The following ACSM5 variants were observed in gnomAD, a reference collection of about 807,000 sequenced individuals.
The protein encoded by ACSM5 is acyl-coenzyme A synthetase ACSM5, mitochondrial.
In ACSM5, 56 loss-of-function variants were observed where a neutral mutation model predicts 71.6. That is an observed-to-expected ratio of 0.78 (90% CI 0.63 to 0.98). The LOEUF (loss-of-function observed/expected upper bound fraction) is 0.98. Among genes scored for constraint, ACSM5 ranks in the 50% least tolerant of loss-of-function variants. The pLI is 0.00. For synonymous variants in ACSM5, 285 were observed against 281.5 expected (o/e 1.01, Z -0.12); for missense variants, 723 against 726.0 (o/e 1.00, Z 0.05).
chr16:20,414,381 T>C (rs2141639855), intron 2 of ACSM5, among the ~76,000 whole-genome samples: 1 of 152,172 alleles, frequency 6.6e-6, no homozygotes, highest in South Asian at 2.1e-4. Context: ...GATGTGACAA[T>C]GAAAACAGAG....
At chr16:20,436,819 G>C (rs1967208992) in intron 10 of ACSM5, among the ~76,000 whole-genome samples, 1 of 152,164 alleles carries the variant, frequency 6.6e-6, no homozygotes, top group South Asian at 2.1e-4. Flanking sequence ...GGTGGTGGGT[G>C]ACTGCCCTTA....
Position 20,424,067 on chromosome 16 carries a change from A to T in ACSM5, c.919A>T (p.Asn307Tyr). The change falls in exon 6 of 14, where the codon AAT becomes TAT. Residue 307 changes from asparagine (N) to tyrosine (Y), a missense_variant and splice_region_variant. Physicochemically the swap from Asn to Tyr is moderately radical, Grantham distance 143. Coordinates refer to ENST00000331849, the MANE Select transcript of ACSM5 (RefSeq NM_017888.3). ...CCGAGTTGATGCCAAAGTTATCCTGAATGTAAGAGGAAAAACCAACAATAC... is the reference window on the plus strand; with the variant it reads ...CCGAGTTGATGCCAAAGTTATCCTGTATGTAAGAGGAAAAACCAACAATAC... ...LPRVDAKVIL[N>Y]TLSKFPITTL... 1 of 1,614,002 alleles carries T rather than the reference A, an allele frequency of 6.2e-7. No homozygotes were observed. Among genetic ancestry groups the T allele is most frequent in the Non-Finnish European group, 8.5e-7 (1 of 1,179,976 alleles).
At chr16:20,434,560 G>A (rs933323347) in intron 10 of ACSM5, among the ~76,000 whole-genome samples, 1 of 152,154 alleles carries the variant, frequency 6.6e-6, no homozygotes, top group Non-Finnish European at 1.5e-5. Context: ...TGGGTGTGGT[G>A]GCGGGCACCT....
chr16:20,435,945 TTCC>T, intron 10 of ACSM5, among the ~76,000 whole-genome samples: 1 of 151,036 alleles, frequency 6.6e-6, no homozygotes, highest in African/African-American at 2.4e-5. Context: ...CTTTCCTTCC[TTCC>T]TTCCTTCTTT....
At chr16:20,427,958 T>C in intron 7 of ACSM5, 91 bp downstream of exon 7, 1 of 910,288 alleles carries the variant, frequency 1.1e-6, no homozygotes, top group South Asian at 1.4e-5. Flanking sequence ...TCATTCCAAC[T>C]CTCTTTCTTT....
intron 3 of ACSM5, among the ~76,000 whole-genome samples, chr16:20,418,635 C>T (rs376724394): frequency 6.6e-6 from 1 of 152,084 alleles, no homozygotes; most frequent in Non-Finnish European, 1.5e-5. Flanking sequence ...TATGAAAAAT[C>T]CCCCTGTCTT....
intron 10 of ACSM5, among the ~76,000 whole-genome samples, chr16:20,431,577 A>G (rs981621422): frequency 5.3e-5 from 8 of 152,178 alleles, no homozygotes; most frequent in African/African-American, 1.9e-4. Flanking sequence ...TGTGTCTGAA[A>G]GCGTAAACAT....
At chr16:20,433,126 G>T (rs1439474736) in intron 10 of ACSM5, among the ~76,000 whole-genome samples, 1 of 152,110 alleles carries the variant, frequency 6.6e-6, no homozygotes, top group Non-Finnish European at 1.5e-5. Flanking sequence ...CTCCCAAAGT[G>T]CTGGGATTAC....
intron 4 of ACSM5, chr16:20,419,699 A>C (rs1966869857): frequency 4.0e-6 from 2 of 504,686 alleles, no homozygotes; most frequent in Non-Finnish European, 7.2e-6. Context: ...GCTACCATTC[A>C]GAGTACATGA....
intron 7 of ACSM5, among the ~76,000 whole-genome samples, chr16:20,428,467 A>G (rs1967031885): frequency 6.6e-6 from 1 of 152,230 alleles, no homozygotes; most frequent in African/African-American, 2.4e-5. Flanking sequence ...AACATCTTCT[A>G]GCAGAACAGG....
intron 10 of ACSM5, among the ~76,000 whole-genome samples, chr16:20,433,840 A>ATTTTT (rs61417020): frequency 0.073 from 10,047 of 136,876 alleles, 413 homozygotes; most frequent in South Asian, 0.13. Flanking sequence ...CACCTGGCTA[A>ATTTTT]TTTTTTTTTT....
At position 20,421,315 on chromosome 16, in the gene ACSM5, CTACTTTA is replaced by C; in HGVS notation, c.682_688del (p.Tyr228ProfsTer32). On this transcript the variant is annotated frameshift_variant, in exon 5 of 14. Transcript: ENST00000331849. LOFTEE classifies it high-confidence loss of function. ...CAAAGAGTCGAGACCCGCTGGCCAT[CTACTTTA>C]CCAGCGGAACCACCGGGGCCCCCAA... 6.2e-7 allele frequency: 1 copy of C among 1,610,216 alleles called. No homozygotes were observed. Among genetic ancestry groups the C allele is most frequent in the Non-Finnish European group, 8.5e-7 (1 of 1,177,998 alleles).
rs138362252 is a variant in ACSM5 at position 20,439,863 on chromosome 16, C to T, written c.1600C>T (p.Arg534Trp). ...CTCTCATGACCCAGAGGCACTAACG[C>T]GGGAACTCCAGGAGCATGTGAAAAG... is the stretch of plus-strand genomic sequence containing the variant. ...YSSHDPEALTRELQEHVKRVT... is the reference protein window; with the variant it reads ...YSSHDPEALTWELQEHVKRVT... The change falls in exon 13 of 14, where the codon CGG becomes TGG. Residue 534 changes from arginine to tryptophan, a missense_variant. Arg to Trp is a moderately radical substitution (Grantham distance 101, BLOSUM62 -3). Coordinates refer to ENST00000331849, the MANE Select transcript of ACSM5 (RefSeq NM_017888.3). The T allele has an allele frequency of 4.3e-5, 70 of 1,612,270 alleles. No individual in the cohort carries two copies. The African/African-American group carries it at 4.7e-4, about 11-fold the overall frequency.
At chr16:20,423,047 T>C (rs961311550) in intron 5 of ACSM5, among the ~76,000 whole-genome samples, 2 of 152,306 alleles carry the variant, frequency 1.3e-5, no homozygotes, top group Admixed American at 6.5e-5. Flanking sequence ...GATACACATG[T>C]CTGAAGTTAA....
At chr16:20,432,128 T>A (rs1254061627) in intron 10 of ACSM5, among the ~76,000 whole-genome samples, 1 of 152,082 alleles carries the variant, frequency 6.6e-6, no homozygotes, top group Non-Finnish European at 1.5e-5. Context: ...TCTTGGGTGG[T>A]GTTTATGTCG....
At chr16:20,424,686 A>G (rs1238480939) in intron 6 of ACSM5, among the ~76,000 whole-genome samples, 1 of 152,146 alleles carries the variant, frequency 6.6e-6, no homozygotes, top group Non-Finnish European at 1.5e-5. Flanking sequence ...CTGATCCTAC[A>G]CCTTTGATTC....
chr16:20,429,528 AGCCAGTGGGTG>A lies in ACSM5; in HGVS notation c.1002-148_1002-138del, dbSNP rs2141655395. ...CTGTCCATGAGGAGCATGGTTGCAA[AGCCAGTGGGTG>A]GACTCACTTAGAGAAGATTAAAAAG... On this transcript the variant is annotated intron_variant, in intron 7 of 13. Transcript: ENST00000331849. The A allele has an allele frequency of 3.2e-6, 3 of 932,898 alleles. No individual in the cohort carries two copies. The South Asian group carries it at 4.2e-5, about 13-fold the overall frequency. The allele number at this position is 932,898 out of a possible 1,614,324, so 57.8% of individuals were successfully genotyped here.
rs143900969 is a variant in ACSM5, at chr16:20,439,910, C to T, written c.1647C>T (p.Tyr549=). ...HVKRVTAPYK[Y]PRKVAFVSEL... is the part of the protein sequence containing the mutation. ...AAAGGGTGACTGCTCCATACAAATA[C>T]CCCAGGAAGGTAAATATCAGGGTTT... Residue 549 remains tyrosine, a synonymous_variant, in exon 13 of 14, where the codon TAC becomes TAT. Coordinates refer to ENST00000331849, the MANE Select transcript of ACSM5 (RefSeq NM_017888.3). The T allele has an allele frequency of 7.4e-6, 12 of 1,612,180 alleles. No homozygotes were observed. The African/African-American group carries it at 1.6e-4, about 22-fold the overall frequency.
Position 20,437,277 on chromosome 16 carries a change from C to T in ACSM5, c.1446C>T (p.Ile482=), listed in dbSNP as rs9652590. 346 of 1,614,162 alleles carry T rather than the reference C, an allele frequency of 2.1e-4. No individual in the cohort carries two copies. The African/African-American group carries it at 3.9e-3, about 18-fold the overall frequency. Reference sequence around the variant, plus strand: ...TGTTTTTCCCTTCCAGCTACCGGATCGGGCCTGTTGAAGTGGAAAGTGCCC... The same window carrying T: ...TGTTTTTCCCTTCCAGCTACCGGATTGGGCCTGTTGAAGTGGAAAGTGCCC... ...DDVINSSSYR[I]GPVEVESALA... is the part of the protein sequence containing the mutation. Residue 482 remains isoleucine (I), a synonymous_variant, in exon 12 of 14, where the codon ATC becomes ATT. Transcript: ENST00000331849.
Sources: gnomAD v4.1 joint callset for allele counts (sites outside exome capture counted in the v4.1 genomes callset) on GRCh38, gnomAD v4.1.1 for gene constraint, MANE v1.5 for transcripts, NCBI Gene and HGNC (gene_info 2026-07-23, HGNC 2026-07-21) for gene names.